The following PALLD variants were observed in gnomAD, a reference collection of about 807,000 sequenced individuals.
The protein encoded by PALLD is palladin, cytoskeletal associated protein.
PALLD carries 61 observed loss-of-function variants against 123.5 expected under a neutral mutation model. The ratio of observed to expected loss-of-function variants is 0.49; its 90% CI spans 0.40 to 0.61. PALLD has a LOEUF of 0.61. Ranked by LOEUF, PALLD falls within the 20% of genes least tolerant of loss-of-function variation. The pLI, the probability that PALLD is intolerant of heterozygous loss-of-function variation, is 0.00. For synonymous variants in PALLD, 465 were observed against 496.4 expected, an observed-to-expected ratio of 0.94 and a Z score of 0.84; for missense variants, 1,273 against 1,377.0, an observed-to-expected ratio of 0.92 and a Z score of 1.20.
At chr4:168,888,425 G>T (rs181715229) in intron 10 of PALLD, among the ~76,000 whole-genome samples, 5 of 152,198 alleles carry the variant, frequency 3.3e-5, no homozygotes, top group African/African-American at 1.2e-4. Context: ...TTAAGACAGT[G>T]CCCCCAAAAC....
chr4:168,905,915 T>C (rs1374496934), intron 15 of PALLD, among the ~76,000 whole-genome samples: 1 of 150,784 alleles, frequency 6.6e-6, no homozygotes, highest in Non-Finnish European at 1.5e-5. Flanking sequence ...TTCTTCTGCC[T>C]CAGCACCACC....
intron 10 of PALLD, among the ~76,000 whole-genome samples, chr4:168,805,826 T>C (rs1280665936): frequency 6.6e-6 from 1 of 152,224 alleles, no homozygotes; most frequent in Non-Finnish European, 1.5e-5. Flanking sequence ...AGGGATTTTA[T>C]CTCATTTATT....
intron 10 of PALLD, among the ~76,000 whole-genome samples, chr4:168,835,248 C>G (rs1015299997): frequency 6.6e-6 from 1 of 152,178 alleles, no homozygotes; most frequent in African/African-American, 2.4e-5. Context: ...TCACAATTCA[C>G]TATACTTCAA....
chr4:168,631,468 C>A (rs999336036), intron 2 of PALLD: 3 of 372,000 alleles, frequency 8.1e-6, no homozygotes, highest in Non-Finnish European at 1.1e-5. Flanking sequence ...ACGCAAAAGC[C>A]GTCCTAAGTG....
intron 10 of PALLD, among the ~76,000 whole-genome samples, chr4:168,752,418 G>A (rs934580505): frequency 6.6e-6 from 1 of 152,306 alleles, no homozygotes; most frequent in African/African-American, 2.4e-5. Context: ...CTAGAGTTAT[G>A]TTCATTCCTT....
chr4:168,800,826 C>T (rs1029143245), intron 10 of PALLD, among the ~76,000 whole-genome samples: 4 of 152,092 alleles, frequency 2.6e-5, no homozygotes, highest in South Asian at 2.1e-4. Context: ...ACATAGCAGC[C>T]CTGCTCATAA....
At chr4:168,752,661 A>G (rs58482383) in intron 10 of PALLD, among the ~76,000 whole-genome samples, 1 of 152,076 alleles carries the variant, frequency 6.6e-6, no homozygotes, top group African/African-American at 2.4e-5. Context: ...ACATTTACAC[A>G]CTTTCAAATG....
chr4:168,909,632 T>C (rs1451900400), intron 15 of PALLD, among the ~76,000 whole-genome samples: 2 of 152,164 alleles, frequency 1.3e-5, no homozygotes, highest in African/African-American at 2.4e-5. Context: ...CTTATGTTCA[T>C]AGTAAAGCAG....
intron 10 of PALLD, chr4:168,832,254 T>G (rs1744349127): frequency 1.1e-6 from 1 of 890,034 alleles, no homozygotes; most frequent in Non-Finnish European, 1.3e-6. Flanking sequence ...GGGCCGCGAG[T>G]CGGGAGTGCA....
At chr4:168,820,966 T>C (rs1008168855) in intron 10 of PALLD, among the ~76,000 whole-genome samples, 1 of 152,232 alleles carries the variant, frequency 6.6e-6, no homozygotes, top group Non-Finnish European at 1.5e-5. Context: ...ATAAGAGTTA[T>C]TGAGTAATCA....
chr4:168,700,266 T>A (rs2150156298), intron 8 of PALLD: 2 of 154,130 alleles, frequency 1.3e-5, no homozygotes, highest in East Asian at 3.8e-4. Flanking sequence ...AAAAAAATTA[T>A]CTAGCAAAAA....
At chr4:168,722,986 G>T (rs866575350) in intron 10 of PALLD, among the ~76,000 whole-genome samples, 19 of 152,252 alleles carry the variant, frequency 1.2e-4, no homozygotes, top group Middle Eastern at 6.8e-3. Flanking sequence ...AGGGAGCAGT[G>T]GTTGTGATCA....
intron 17 of PALLD, among the ~76,000 whole-genome samples, chr4:168,918,974 T>A (rs1273512635): frequency 6.6e-6 from 1 of 152,160 alleles, no homozygotes; most frequent in Non-Finnish European, 1.5e-5. Context: ...CTGAGCTATA[T>A]GGGGGTAATG....
intron 15 of PALLD, among the ~76,000 whole-genome samples, chr4:168,904,698 AATG>A (rs1757256390): frequency 6.6e-6 from 1 of 152,212 alleles, no homozygotes; most frequent in South Asian, 2.1e-4. Flanking sequence ...GGCATGGTAA[AATG>A]AGCAGTTTTC....
intron 10 of PALLD, chr4:168,832,266 G>A (rs1338237419): frequency 2.3e-6 from 2 of 868,238 alleles, no homozygotes; most frequent in Non-Finnish European, 2.8e-6. Context: ...GGGAGTGCAG[G>A]GCTCGGGACA....
At chr4:168,797,175 G>A (rs1738629033) in intron 10 of PALLD, among the ~76,000 whole-genome samples, 1 of 151,492 alleles carries the variant, frequency 6.6e-6, no homozygotes, top group Non-Finnish European at 1.5e-5. Flanking sequence ...TTGGCTTGAG[G>A]GAGACACAGT....
intron 10 of PALLD, among the ~76,000 whole-genome samples, chr4:168,847,364 C>T (rs1392986688): frequency 6.6e-6 from 1 of 152,100 alleles, no homozygotes; most frequent in Non-Finnish European, 1.5e-5. Context: ...TGAGGCCATT[C>T]AAAAGCATGA....
chr4:168,733,899 T>C (rs2150317763), intron 10 of PALLD, among the ~76,000 whole-genome samples: 1 of 152,290 alleles, frequency 6.6e-6, no homozygotes. Context: ...CGCACCTGGC[T>C]AATTTTTTTG....
At chr4:168,828,733 C>T (rs369197302) in intron 10 of PALLD, among the ~76,000 whole-genome samples, 11 of 152,368 alleles carry the variant, frequency 7.2e-5, no homozygotes, top group African/African-American at 2.6e-4. Context: ...AATGTTTCAT[C>T]TCAAAGTAAA....
Sources: gnomAD v4.1 joint callset for allele counts (sites outside exome capture counted in the v4.1 genomes callset) on GRCh38, gnomAD v4.1.1 for gene constraint, MANE v1.5 for transcripts, NCBI Gene and HGNC (gene_info 2026-07-23, HGNC 2026-07-21) for gene names.